Variants in KAZN observed in about 807,000 individuals in gnomAD.
KAZN encodes kazrin.
Under a neutral mutation model 87.4 loss-of-function variants are expected in KAZN, and 40 were observed. That is an observed-to-expected ratio of 0.46 (90% confidence interval 0.36 to 0.60). The LOEUF is 0.60. Ranked by LOEUF, KAZN falls within the 20% of genes least tolerant of loss-of-function variation. The pLI, the probability that KAZN is intolerant of heterozygous loss-of-function variation, is 0.00. For synonymous variants in KAZN, 466 were observed against 458.3 expected (o/e 1.02, Z -0.22); for missense variants, 898 against 1,073.9 (o/e 0.84, Z 2.29).
chr1:14,758,558 C>T (rs1487226356), intron 1 of KAZN, among the ~76,000 whole-genome samples: 2 of 152,258 alleles, frequency 1.3e-5, no homozygotes, highest in Admixed American at 6.5e-5. Context: ...AGCAATCCTC[C>T]CACCTTGGCC....
At position 15,114,653 on chromosome 1, in the gene KAZN, C is replaced by G; in HGVS notation, c.*18C>G. Reference sequence around the variant, plus strand: ...ACGTGTAAGGAACTGGTGGCTCCACCAGACCCAACGTGAGAGACCCAGGAA... The same window carrying G: ...ACGTGTAAGGAACTGGTGGCTCCACGAGACCCAACGTGAGAGACCCAGGAA... On this transcript the variant is annotated 3_prime_UTR_variant, in exon 15 of 15. Coordinates refer to ENST00000376030, the MANE Select transcript of KAZN (RefSeq NM_201628.3). 6.4e-7 allele frequency: 1 copy of G among 1,567,314 alleles called. No homozygotes were observed.
chr1:14,505,989 G>A lies in KAZN; in HGVS notation c.250-92994G>A, dbSNP rs150753810. Among the ~76,000 whole-genome samples the A allele has an allele frequency of 5.3e-3, 802 of 152,206 alleles. 8 individuals carry two copies. Among genetic ancestry groups the A allele is most frequent in the African/African-American group, 0.019 (769 of 41,532 alleles). ...ACTCCATCTCAAAAAAAAAAGTTCT[G>A]GAGGTGAATGGTGGTGATGGTTGCT... On this transcript the variant is annotated intron_variant, in intron 2 of 16. Coordinates refer to the KAZN transcript ENST00000636203.
At position 14,070,167 on chromosome 1, in the gene KAZN, C is replaced by CAAAAAAAAAAAAAAAAAA. The variant is rs61327562; in HGVS notation, c.92-110255_92-110254insAAAAAAAAAAAAAAAAAA. On this transcript the variant is annotated intron_variant, in intron 1 of 16. Transcript: ENST00000636203. ...TTGGCGACAGTGCGAGACTCCATCT[C>CAAAAAAAAAAAAAAAAAA]AAAAAAAAAAAAAGTAAATAAATAA... 5.6e-3 allele frequency among the ~76,000 whole-genome samples: 408 copies of CAAAAAAAAAAAAAAAAAA among 72,370 alleles called. 18 individuals are homozygous for CAAAAAAAAAAAAAAAAAA. Among genetic ancestry groups the CAAAAAAAAAAAAAAAAAA allele is most frequent in the Middle Eastern group, 0.012 (1 of 84 alleles). The allele number at this position is 72,370 out of a possible 152,430, so 47.5% of individuals were successfully genotyped here. A position where few individuals can be genotyped will look rare whatever the true frequency, so the allele number is the denominator to read the frequency against.
chr1:14,028,804 C>G (rs1264293230), intron 1 of KAZN, among the ~76,000 whole-genome samples: 1 of 152,072 alleles, frequency 6.6e-6, no homozygotes. Context: ...GACATGAACT[C>G]ATCATTTTTT....
intron 1 of KAZN, among the ~76,000 whole-genome samples, chr1:14,603,838 T>C (rs1677155237): frequency 6.6e-6 from 1 of 152,200 alleles, no homozygotes; most frequent in Non-Finnish European, 1.5e-5. Context: ...GCAGATGGGC[T>C]TGGCAGGTGG....
At chr1:14,501,075 T>A (rs1670214425) in intron 2 of KAZN, among the ~76,000 whole-genome samples, 1 of 131,450 alleles carries the variant, frequency 7.6e-6, no homozygotes, top group African/African-American at 2.9e-5. Flanking sequence ...AAAGAGCATC[T>A]GCAAAAAATA....
At chr1:14,588,017 T>C (rs1026675556) in intron 2 of KAZN, among the ~76,000 whole-genome samples, 1 of 152,198 alleles carries the variant, frequency 6.6e-6, no homozygotes, top group Non-Finnish European at 1.5e-5. Flanking sequence ...CCCTGTGGCC[T>C]GTGGCTGAGT....
chr1:14,736,477 T>TC (rs1643911715), intron 1 of KAZN, among the ~76,000 whole-genome samples: 1 of 148,276 alleles, frequency 6.7e-6, no homozygotes, highest in East Asian at 2.0e-4. Context: ...TTTTTTTTTT[T>TC]TTTTTTTTTT....
intron 1 of KAZN, among the ~76,000 whole-genome samples, chr1:14,859,381 G>T (rs559581111): frequency 6.6e-6 from 1 of 152,098 alleles, no homozygotes; most frequent in African/African-American, 2.4e-5. Flanking sequence ...ACTGGCCCAC[G>T]GTCACGCAGC....
chr1:14,179,171 T>G (rs1002108120), intron 1 of KAZN, among the ~76,000 whole-genome samples: 5 of 152,112 alleles, frequency 3.3e-5, no homozygotes. Context: ...GCAACCCCTT[T>G]GCAGATCTTT....
At chr1:13,950,257 G>A (rs1163124504) in intron 1 of KAZN, among the ~76,000 whole-genome samples, 2 of 152,028 alleles carry the variant, frequency 1.3e-5, no homozygotes, top group African/African-American at 4.8e-5. Flanking sequence ...TGTCCCTTAT[G>A]CCTTCCAGAC....
intron 1 of KAZN, among the ~76,000 whole-genome samples, chr1:14,918,579 G>A (rs1658071644): frequency 6.6e-6 from 1 of 150,400 alleles, no homozygotes; most frequent in African/African-American, 2.5e-5. Context: ...TGGAGGCTGA[G>A]ACAGGAGAAT....
intron 1 of KAZN, among the ~76,000 whole-genome samples, chr1:13,993,158 C>A (rs1639363333): frequency 6.6e-6 from 1 of 152,170 alleles, no homozygotes; most frequent in African/African-American, 2.4e-5. Flanking sequence ...TTTCCCTCTC[C>A]CATGGGCAGG....
chr1:14,922,304 G>T (rs2101500002), intron 1 of KAZN, among the ~76,000 whole-genome samples: 1 of 152,238 alleles, frequency 6.6e-6, no homozygotes, highest in African/African-American at 2.4e-5. Context: ...AGGATGCAGG[G>T]GCTGGCAAGG....
intron 1 of KAZN, among the ~76,000 whole-genome samples, chr1:14,739,125 C>G (rs1453223677): frequency 1.3e-5 from 2 of 152,190 alleles, no homozygotes; most frequent in Admixed American, 1.3e-4. Context: ...TTGCAGTGAG[C>G]TATGATTGCA....
chr1:14,108,112 C>T (rs929183382), intron 1 of KAZN, among the ~76,000 whole-genome samples: 4 of 152,074 alleles, frequency 2.6e-5, no homozygotes, highest in South Asian at 2.1e-4. Context: ...AGAAGCTTGC[C>T]GTGGCCTCCA....
chr1:14,939,075 C>T (rs553888395), intron 1 of KAZN, among the ~76,000 whole-genome samples: 3 of 152,014 alleles, frequency 2.0e-5, no homozygotes, highest in African/African-American at 4.8e-5. Flanking sequence ...TGGGTTCAAG[C>T]TATTCTCCTG....
intron 1 of KAZN, among the ~76,000 whole-genome samples, chr1:14,782,554 C>CAAAAAAAAAAAAAAAA (rs71572122): frequency 6.0e-3 from 395 of 66,190 alleles, no homozygotes; most frequent in Non-Finnish European, 6.8e-3. Flanking sequence ...CCTCAAAGAG[C>CAAAAAAAAAAAAAAAA]AAAAAAAAAA....
At chr1:14,257,902 C>A (rs1301484192) in intron 2 of KAZN, among the ~76,000 whole-genome samples, 4 of 130,872 alleles carry the variant, frequency 3.1e-5, no homozygotes, top group African/African-American at 1.2e-4. Flanking sequence ...ATGTAACTAA[C>A]CTGCACAATG....
Sources: allele counts gnomAD v4.1 joint callset (sites outside exome capture counted in the v4.1 genomes callset), GRCh38; gene constraint gnomAD v4.1.1; transcripts MANE v1.5; gene names NCBI Gene and HGNC (gene_info 2026-07-23, HGNC 2026-07-21).